The following TBCD variants were observed in gnomAD, a reference collection of about 807,000 sequenced individuals.
TBCD encodes tubulin-specific chaperone D.
Under a neutral mutation model 169.3 loss-of-function variants are expected in TBCD, and 105 were observed. The observed-to-expected ratio is 0.62, with a 90% confidence interval of 0.53 to 0.73. The LOEUF is 0.73. Among genes scored for constraint, TBCD ranks in the 30% least tolerant of loss-of-function variants. The probability of loss-of-function intolerance (pLI) is 0.00; values close to 1 mark genes in which losing one functional copy is unlikely to be tolerated. For missense variants in TBCD, 1,444 were observed against 1,600.1 expected (o/e 0.90, Z 1.66); for synonymous variants, 700 against 643.9 (o/e 1.09, Z -1.32).
In TBCD at chr17:82,940,227, A is replaced by ACACACACACACT. The variant is rs1272718492; in HGVS notation, c.3479+762_3479+763insTCACACACACAC. Among the ~76,000 whole-genome samples the ACACACACACACT allele has an allele frequency of 7.6e-4, 107 of 141,514 alleles. No homozygotes were observed. In the Middle Eastern group the frequency reaches 0.01, roughly 14 times the overall value. 92.8% of individuals were successfully genotyped at this position (141,514 alleles called of 152,430 possible). A position where few individuals can be genotyped will look rare whatever the true frequency, so the allele number is the denominator to read the frequency against. On this transcript the variant is annotated intron_variant, in intron 37 of 38. Transcript: ENST00000355528. ...CATGCTCACTTGCACGCGCGCACAC[A>ACACACACACACT]CACACACACACACACACACTTCTAA... is the stretch of plus-strand genomic sequence containing the variant.
intron 13 of TBCD, among the ~76,000 whole-genome samples, chr17:82,843,631 A>C (rs1333734266): frequency 1.6e-5 from 2 of 126,846 alleles, no homozygotes; most frequent in Admixed American, 8.5e-5. Flanking sequence ...TCCCCTCCCC[A>C]TCCAGCTTAA....
At chr17:82,802,829 G>T (rs2050673753) in intron 9 of TBCD, among the ~76,000 whole-genome samples, 1 of 152,226 alleles carries the variant, frequency 6.6e-6, no homozygotes, top group Non-Finnish European at 1.5e-5. Flanking sequence ...TGAAATAGCG[G>T]GGCGCCCCAC....
chr17:82,911,573 C>A (rs1318642780), intron 22 of TBCD, among the ~76,000 whole-genome samples, 185 bp from the exon 23 acceptor site: 1 of 152,258 alleles, frequency 6.6e-6, no homozygotes, highest in African/African-American at 2.4e-5. Flanking sequence ...TGGGAGACCT[C>A]TGGAAGATGG....
At chr17:82,795,661 G>A in intron 7 of TBCD, 1 of 934,144 alleles carries the variant, frequency 1.1e-6, no homozygotes. Flanking sequence ...TCCACAGCTG[G>A]TGGCATCAGT....
rs2060659643 is a variant in TBCD, at chr17:82,911,768, G to A, written c.2017G>A (p.Gly673Arg). 5 of 1,613,908 alleles carry A rather than the reference G, an allele frequency of 3.1e-6. No homozygotes were observed. The East Asian group carries it at 8.9e-5, about 29-fold the overall frequency. The change falls in exon 23 of 39, where the codon GGA becomes AGA. Residue 673 changes from glycine to arginine, a missense_variant. Physicochemically the swap from Gly to Arg is moderately radical, Grantham distance 125 (BLOSUM62 -2). Coordinates refer to ENST00000355528, the MANE Select transcript of TBCD (RefSeq NM_005993.5). ...TTCATTCCTTTTCAGGGGTCTGGGA[G>A]GACAGCTCATGAGACAAGCAGGTAA... ...YDRQLYRGLG[G>R]QLMRQAVCVL... is the part of the protein sequence containing the mutation.
rs1407041601 is a variant in TBCD at position 82,929,194 on chromosome 17, C to G, written c.2775C>G (p.Phe925Leu). 1 of 1,613,912 alleles carries G rather than the reference C, an allele frequency of 6.2e-7. No individual in the cohort carries two copies. The highest frequency in any genetic ancestry group is 2.2e-5 in the East Asian group (1 of 44,868). The change falls in exon 31 of 39, where the codon TTC (phenylalanine) becomes TTG (leucine). Residue 925 changes from phenylalanine (F) to leucine (L), a missense_variant. By Grantham distance (22) the Phe-to-Leu change is conservative. Coordinates refer to ENST00000355528, the MANE Select transcript of TBCD (RefSeq NM_005993.5). ...DRFRAHAASVFLTLLHFDSPP... is the reference protein window; with the variant it reads ...DRFRAHAASVLLTLLHFDSPP... ...TCCGTGCTCACGCCGCCAGCGTGTT[C>G]CTGACGCTCCTGCACTTTGACAGCC... is the stretch of plus-strand genomic sequence containing the variant.
intron 13 of TBCD, among the ~76,000 whole-genome samples, chr17:82,852,136 A>C (rs1336174393): frequency 1.3e-4 from 16 of 127,754 alleles, no homozygotes; most frequent in South Asian, 3.2e-4. Context: ...GTCATCCCCA[A>C]CCCCCCCGAC....
intron 14 of TBCD, among the ~76,000 whole-genome samples, chr17:82,883,128 C>T (rs1045838277): frequency 1.3e-5 from 2 of 152,250 alleles, no homozygotes; most frequent in African/African-American, 2.4e-5. Flanking sequence ...ATGTCCCCGG[C>T]GTCCTTCATG....
intron 17 of TBCD, among the ~76,000 whole-genome samples, chr17:82,895,621 G>C (rs950758809): frequency 6.6e-6 from 1 of 152,160 alleles, no homozygotes; most frequent in Admixed American, 6.5e-5. Flanking sequence ...TGGGGGCCTG[G>C]AGGTGTGCCC....
At chr17:82,802,840 G>A (rs765491537) in intron 9 of TBCD, among the ~76,000 whole-genome samples, 24 of 152,260 alleles carry the variant, frequency 1.6e-4, no homozygotes, top group Admixed American at 3.9e-4. Flanking sequence ...GGCGCCCCAC[G>A]GCGCAGTCAG....
intron 15 of TBCD, among the ~76,000 whole-genome samples, chr17:82,887,131 C>CTGTG (rs771003321): frequency 0.14 from 16,856 of 122,948 alleles, 1,148 homozygotes; most frequent in East Asian, 0.21. Context: ...TACCTGTACT[C>CTGTG]TGTGTGTGTG....
intron 9 of TBCD, 64 bp downstream of exon 9, chr17:82,801,060 C>T: frequency 1.3e-5 from 19 of 1,447,094 alleles, no homozygotes; most frequent in Non-Finnish European, 1.7e-5. Context: ...CTGTGGGGGG[C>T]AGGCGCCATT....
chr17:82,851,297 T>C (rs2055768743), intron 13 of TBCD, among the ~76,000 whole-genome samples: 1 of 152,020 alleles, frequency 6.6e-6, no homozygotes, highest in Non-Finnish European at 1.5e-5. Context: ...AAAATAAAAA[T>C]AAACAGTCAC....
chr17:82,823,430 A>G (rs746740798), intron 13 of TBCD, among the ~76,000 whole-genome samples: 2 of 152,232 alleles, frequency 1.3e-5, no homozygotes, highest in Non-Finnish European at 2.9e-5. Context: ...AGCATGAGAC[A>G]TCTTTGACTT....
chr17:82,805,049 A>G (rs610944), intron 9 of TBCD, among the ~76,000 whole-genome samples: 58,128 of 152,188 alleles, frequency 0.38, 11,221 homozygotes, highest in Middle Eastern at 0.42. Flanking sequence ...TCTGCATGAG[A>G]CCGGGGAAGC....
At chr17:82,897,424 A>G (rs1433369649) in intron 17 of TBCD, among the ~76,000 whole-genome samples, 4 of 151,274 alleles carry the variant, frequency 2.6e-5, no homozygotes, top group African/African-American at 9.7e-5. Context: ...AGGCTGAGGC[A>G]GGAGAATCAC....
At chr17:82,845,866 A>G (rs1433647048) in intron 13 of TBCD, among the ~76,000 whole-genome samples, 1 of 152,230 alleles carries the variant, frequency 6.6e-6, no homozygotes, top group Non-Finnish European at 1.5e-5. Flanking sequence ...TTAAAATACA[A>G]GATTGTTTCT....
intron 13 of TBCD, among the ~76,000 whole-genome samples, chr17:82,817,335 CGCCCAG>C (rs2144986943): frequency 6.6e-6 from 1 of 152,044 alleles, no homozygotes; most frequent in Non-Finnish European, 1.5e-5. Flanking sequence ...TCATTCCCAT[CGCCCAG>C]GCCGGAGTGC....
rs969066119 is a variant in TBCD, at chr17:82,784,452, G to A, written c.771+2731G>A. ...AGGGCAGGCTGAGGCTGGCCTTGAA[G>A]GGTACGGGGGTGGAGGGGTAGGGCA... On this transcript the variant is annotated intron_variant, in intron 7 of 38. Coordinates refer to ENST00000355528, the MANE Select transcript of TBCD (RefSeq NM_005993.5). Among the ~76,000 whole-genome samples the A allele has an allele frequency of 2.6e-5, 4 of 152,280 alleles. No individual in the cohort carries two copies. In the East Asian group the frequency reaches 5.8e-4, roughly 22 times the overall value.
Sources: allele counts gnomAD v4.1 joint callset (sites outside exome capture counted in the v4.1 genomes callset), GRCh38; gene constraint gnomAD v4.1.1; transcripts MANE v1.5; gene names NCBI Gene and HGNC (gene_info 2026-07-23, HGNC 2026-07-21).